GLIS1: variants seen among roughly 807,000 people sequenced by gnomAD.
GLIS1 encodes the protein zinc finger protein GLIS1.
In GLIS1, 24 loss-of-function variants were observed where a neutral mutation model predicts 63.8. That is an observed-to-expected ratio of 0.38 (90% CI 0.27 to 0.53). The LOEUF (loss-of-function observed/expected upper bound fraction) is 0.53. Among genes scored for constraint, GLIS1 ranks in the 20% least tolerant of loss-of-function variants. The probability of loss-of-function intolerance (pLI) is 0.85; values close to 1 mark genes in which losing one functional copy is unlikely to be tolerated. For missense variants in GLIS1, 1,036 were observed against 1,074.1 expected (o/e 0.96, Z 0.50); for synonymous variants, 450 against 482.5 (o/e 0.93, Z 0.88).
At chr1:53,521,253 T>C (rs1260565166) in intron 6 of GLIS1, among the ~76,000 whole-genome samples, 1 of 125,972 alleles carries the variant, frequency 7.9e-6, no homozygotes, top group South Asian at 3.5e-4. Flanking sequence ...GATGGGTAGC[T>C]GAGTTCTGCA....
chr1:53,555,678 T>C (rs1440714522), intron 4 of GLIS1, among the ~76,000 whole-genome samples: 1 of 152,232 alleles, frequency 6.6e-6, no homozygotes, highest in Non-Finnish European at 1.5e-5. Flanking sequence ...ATGTAACCCA[T>C]ATATACACCT....
At chr1:53,516,243 G>A (rs1644351358) in intron 7 of GLIS1, among the ~76,000 whole-genome samples, 1 of 152,174 alleles carries the variant, frequency 6.6e-6, no homozygotes, top group South Asian at 2.1e-4. Context: ...GGACCAATCT[G>A]AGAACACACC....
intron 4 of GLIS1, among the ~76,000 whole-genome samples, chr1:53,579,724 G>A (rs1645066920): frequency 1.3e-5 from 2 of 152,234 alleles, no homozygotes; most frequent in South Asian, 4.1e-4. Flanking sequence ...AGCCGTGGGG[G>A]CAGAGCTGGC....
At chr1:53,713,223 T>C (rs1646663996) in intron 2 of GLIS1, among the ~76,000 whole-genome samples, 1 of 88,262 alleles carries the variant, frequency 1.1e-5, no homozygotes, top group Non-Finnish European at 2.4e-5. Context: ...GGCAACATGG[T>C]GAGACCTCAT....
In GLIS1 at chr1:53,522,146, G is replaced by A. The variant is rs1015683591; in HGVS notation, c.1594-1380C>T. Reference sequence around the variant, plus strand: ...GAGCCAAGGCATGTTCTTGTAGACCGCAATGTCGATCGGATTAGGAGCAGC... The same window carrying A: ...GAGCCAAGGCATGTTCTTGTAGACCACAATGTCGATCGGATTAGGAGCAGC... On this transcript the variant is annotated intron_variant, in intron 6 of 10. Coordinates refer to ENST00000628545, the MANE Select transcript of GLIS1 (RefSeq NM_001367484.1). Among the ~76,000 whole-genome samples the A allele has an allele frequency of 2.8e-4, 42 of 152,386 alleles. 1 individual carries two copies. The highest frequency in any genetic ancestry group is 9.4e-4 in the African/African-American group (39 of 41,600).
At chr1:53,520,369 G>A (rs2100291982) in intron 7 of GLIS1, among the ~76,000 whole-genome samples, 1 of 152,370 alleles carries the variant, frequency 6.6e-6, no homozygotes, top group East Asian at 1.9e-4. Context: ...AGGCCAGGCT[G>A]AGACGGGTGA....
chr1:53,533,918 C>T (rs888133634), intron 4 of GLIS1, among the ~76,000 whole-genome samples: 1 of 152,100 alleles, frequency 6.6e-6, no homozygotes, highest in African/African-American at 2.4e-5. Context: ...TCTTCACTGC[C>T]CAGTAGGCAA....
At chr1:53,547,416 G>A (rs997224972) in intron 4 of GLIS1, among the ~76,000 whole-genome samples, 4 of 152,216 alleles carry the variant, frequency 2.6e-5, no homozygotes, top group Non-Finnish European at 4.4e-5. Flanking sequence ...ACCCTGGTCT[G>A]GCCACCTCCA....
intron 2 of GLIS1, among the ~76,000 whole-genome samples, chr1:53,603,554 C>T (rs1384511569): frequency 6.6e-6 from 1 of 152,240 alleles, no homozygotes; most frequent in East Asian, 1.9e-4. Flanking sequence ...TAGGCACTGC[C>T]TCCTGTCTGT....
intron 8 of GLIS1, 130 bp downstream of exon 8, chr1:53,514,495 G>A: frequency 1.1e-6 from 1 of 897,980 alleles, no homozygotes; most frequent in Non-Finnish European, 1.7e-6. Flanking sequence ...TGCAGTCAGT[G>A]TTCCCTGAAG....
At chr1:53,685,380 C>A (rs539224652) in intron 2 of GLIS1, among the ~76,000 whole-genome samples, 2 of 152,192 alleles carry the variant, frequency 1.3e-5, no homozygotes, top group African/African-American at 2.4e-5. Flanking sequence ...CGCTGCCGGG[C>A]GCGATCTGTT....
intron 2 of GLIS1, among the ~76,000 whole-genome samples, chr1:53,723,364 G>A (rs1038677644): frequency 4.6e-5 from 7 of 150,962 alleles, no homozygotes; most frequent in South Asian, 4.2e-4. Context: ...TCAGCCTCCC[G>A]AGTAGCTGGG....
intron 4 of GLIS1, among the ~76,000 whole-genome samples, chr1:53,551,711 GC>G (rs1644761521): frequency 6.6e-6 from 1 of 152,044 alleles, no homozygotes; most frequent in Non-Finnish European, 1.5e-5. Flanking sequence ...AGTCTAGCCT[GC>G]TCCCACCTCT....
chr1:53,552,824 G>A (rs559180673), intron 4 of GLIS1, among the ~76,000 whole-genome samples: 256 of 152,330 alleles, frequency 1.7e-3, no homozygotes, highest in Middle Eastern at 0.014. Context: ...CTGGAAGAGG[G>A]AGTTGGGCAG....
intron 4 of GLIS1, among the ~76,000 whole-genome samples, chr1:53,571,188 A>G (rs1295848001): frequency 6.6e-6 from 1 of 152,256 alleles, no homozygotes; most frequent in African/African-American, 2.4e-5. Context: ...TCAGCTAAAA[A>G]TGAAAATTAA....
At chr1:53,676,081 GA>G (rs143821164) in intron 2 of GLIS1, among the ~76,000 whole-genome samples, 6 of 151,532 alleles carry the variant, frequency 4.0e-5, no homozygotes, top group South Asian at 4.2e-4. Context: ...ACAATTCAGG[GA>G]AAAAAAAATT....
At chr1:53,521,102 G>C (rs1461937444) in intron 6 of GLIS1, among the ~76,000 whole-genome samples, 3 of 152,190 alleles carry the variant, frequency 2.0e-5, no homozygotes, top group Admixed American at 2.0e-4. Flanking sequence ...CCGGGACAGG[G>C]ACTCAGGGAG....
intron 5 of GLIS1, among the ~76,000 whole-genome samples, chr1:53,528,941 C>T: frequency 6.6e-6 from 1 of 152,216 alleles, no homozygotes; most frequent in Non-Finnish European, 1.5e-5. Context: ...GCACGTGCCC[C>T]TCACCCAGGG....
chr1:53,678,211 G>A (rs1247044671), intron 2 of GLIS1, among the ~76,000 whole-genome samples: 2 of 152,096 alleles, frequency 1.3e-5, no homozygotes, highest in East Asian at 1.9e-4. Context: ...CACCCTTGCT[G>A]TAGAGCCACG....
Sources: gnomAD v4.1 joint callset for allele counts (sites outside exome capture counted in the v4.1 genomes callset) on GRCh38, gnomAD v4.1.1 for gene constraint, MANE v1.5 for transcripts, NCBI Gene and HGNC (gene_info 2026-07-23, HGNC 2026-07-21) for gene names.